LRRC7: variants seen among roughly 807,000 people sequenced by gnomAD.
LRRC7 encodes the protein leucine-rich repeat-containing protein 7.
A neutral mutation model predicts 175.7 loss-of-function variants in LRRC7; 23 were observed. The ratio of observed to expected loss-of-function variants is 0.13; its 90% CI spans 0.09 to 0.19. LRRC7 has a LOEUF of 0.19. Ranked by LOEUF, LRRC7 falls within the 10% of genes least tolerant of loss-of-function variation. The probability of loss-of-function intolerance (pLI) is 1.00; values close to 1 mark genes in which losing one functional copy is unlikely to be tolerated. For missense variants in LRRC7, 1,354 were observed against 1,904.7 expected, an observed-to-expected ratio of 0.71 and a Z score of 5.38; for synonymous variants, 685 against 680.9, an observed-to-expected ratio of 1.01 and a Z score of -0.09.
At chr1:69,905,541 AATG>A (rs1250054436) in intron 7 of LRRC7, among the ~76,000 whole-genome samples, 1 of 152,118 alleles carries the variant, frequency 6.6e-6, no homozygotes, top group African/African-American at 2.4e-5. Flanking sequence ...GTTTGCTGAA[AATG>A]ATGGTTTCCA....
At position 69,925,180 on chromosome 1, in the gene LRRC7, T is replaced by C. The variant is rs1316070792; in HGVS notation, c.648-6327T>C. ...TGATCATGGTGGATAAGCTTTTTGA[T>C]GTGCTGCTGGATTCGGTTTGCCAGT... On this transcript the variant is annotated intron_variant, in intron 7 of 26. Coordinates refer to ENST00000651989, the MANE Select transcript of LRRC7 (RefSeq NM_001370785.2). Among the ~76,000 whole-genome samples, 3 of 152,200 alleles carry C rather than the reference T, an allele frequency of 2.0e-5. No homozygotes were observed. In the East Asian group the frequency reaches 5.8e-4, roughly 29 times the overall value.
chr1:69,936,720 A>C (rs1328442754), intron 8 of LRRC7, among the ~76,000 whole-genome samples: 1 of 151,868 alleles, frequency 6.6e-6, no homozygotes, highest in Non-Finnish European at 1.5e-5. Flanking sequence ...CCCTCCTCCT[A>C]CCCTCCACCT....
At chr1:69,639,599 C>G (rs183701951) in intron 1 of LRRC7, among the ~76,000 whole-genome samples, 2 of 151,868 alleles carry the variant, frequency 1.3e-5, no homozygotes, top group Admixed American at 1.3e-4. Context: ...AGATTTCTGG[C>G]TCTCTGGCCC....
chr1:69,962,646 A>C (rs1306184518), intron 8 of LRRC7, among the ~76,000 whole-genome samples: 1 of 152,236 alleles, frequency 6.6e-6, no homozygotes, highest in South Asian at 2.1e-4. Context: ...CTATGCAGCC[A>C]TAAAAAAGAG....
At chr1:69,612,455 G>A (rs1648921911) in intron 1 of LRRC7, among the ~76,000 whole-genome samples, 1 of 151,804 alleles carries the variant, frequency 6.6e-6, no homozygotes, top group South Asian at 2.1e-4. Flanking sequence ...TAATATACTG[G>A]GTTTTATTAC....
At chr1:70,103,996 T>C (rs958041396) in intron 25 of LRRC7, among the ~76,000 whole-genome samples, 1 of 152,208 alleles carries the variant, frequency 6.6e-6, no homozygotes, top group Non-Finnish European at 1.5e-5. Flanking sequence ...TCATTTAGCA[T>C]TCTGCCAAAT....
intron 7 of LRRC7, among the ~76,000 whole-genome samples, chr1:69,901,646 C>T (rs1480706675): frequency 2.0e-5 from 3 of 152,188 alleles, no homozygotes; most frequent in South Asian, 4.1e-4. Context: ...TGAGAAATAA[C>T]TATCTCTTCC....
chr1:70,117,565 A>T (rs372404819), intron 26 of LRRC7, among the ~76,000 whole-genome samples: 6 of 152,212 alleles, frequency 3.9e-5, no homozygotes, highest in African/African-American at 7.2e-5. Context: ...GGCACAGAAG[A>T]TATCAAATAA....
At chr1:69,893,032 T>A (rs1248831386) in intron 7 of LRRC7, among the ~76,000 whole-genome samples, 4 of 152,220 alleles carry the variant, frequency 2.6e-5, no homozygotes, top group African/African-American at 9.6e-5. Context: ...GTTACAAGAA[T>A]TGCTTATTCT....
chr1:70,038,801 A>C lies in LRRC7; in HGVS notation c.2977A>C (p.Ile993Leu). ...KKSQSIDEID[I>L]GTYKVYNIPL... The stretch of plus-strand genomic sequence containing the variant: ...GTCACAGAGTATCGATGAGATTGAC[A>C]TTGGTACATATAAGGTGTATAACAT... The change falls in exon 21 of 27, where the codon ATT becomes CTT. Residue 993 changes from isoleucine (I) to leucine (L), a missense_variant. By Grantham distance (5) the Ile-to-Leu change is conservative. Around this residue, in one of 4 missense-constraint regions of LRRC7, gnomAD observed 1,032 missense variants for 1,227.2 expected, o/e 0.84. Transcript: ENST00000651989. 6.2e-7 allele frequency: 1 copy of C among 1,614,096 alleles called. No homozygotes were observed. Among genetic ancestry groups the C allele is most frequent in the Non-Finnish European group, 8.5e-7 (1 of 1,180,008 alleles).
At chr1:69,621,845 C>T (rs1223724276) in intron 1 of LRRC7, among the ~76,000 whole-genome samples, 1 of 152,288 alleles carries the variant, frequency 6.6e-6, no homozygotes, top group Non-Finnish European at 1.5e-5. Context: ...CATTTCCTTT[C>T]ATCAGTAATG....
chr1:69,802,087 A>C (rs1277466367), intron 4 of LRRC7, among the ~76,000 whole-genome samples: 1 of 151,386 alleles, frequency 6.6e-6, no homozygotes, highest in African/African-American at 2.4e-5. Flanking sequence ...AATATACTTA[A>C]TATGATTTCA....
chr1:70,038,428 C>G lies in LRRC7; in HGVS notation c.2604C>G (p.His868Gln). ...PLELEQSTHR[H>Q]TPETEVPPSN... The stretch of plus-strand genomic sequence containing the variant: ...AACTCGAGCAGTCTACACACAGACA[C>G]ACACCAGAAACAGAAGTGCCTCCTT... Residue 868 changes from histidine (H) to glutamine (Q), a missense_variant, in exon 21 of 27, where the codon CAC (histidine) becomes CAG (glutamine). By Grantham distance (24) the His-to-Gln change is conservative (BLOSUM62 0). This residue lies in a region of LRRC7 where 1,032 missense variants were observed against 1,227.2 expected (regional missense o/e 0.84). Transcript: ENST00000651989. The G allele has an allele frequency of 6.2e-7, 1 of 1,614,134 alleles. No homozygotes were observed. The highest frequency in any genetic ancestry group is 8.5e-7 in the Non-Finnish European group (1 of 1,180,018).
chr1:70,140,641 T>C lies in LRRC7; in HGVS notation c.*18754T>C, dbSNP rs910206296. On this transcript the variant is annotated 3_prime_UTR_variant, in exon 27 of 27. Transcript: ENST00000651989. ...CAAGTATAATATAAAAAGTCAGGAA[T>C]TGACTACAGTTCCCTTGGCTAATGC... The C allele has an allele frequency of 6.6e-6, 1 of 152,142 alleles. No individual in the cohort carries two copies. The highest frequency in any genetic ancestry group is 2.4e-5 in the African/African-American group (1 of 41,434). 9.4% of individuals were successfully genotyped at this position (152,142 alleles called of 1,614,324 possible).
In LRRC7 at chr1:70,059,533, T is replaced by G. The variant is rs565664743; in HGVS notation, c.4230+6388T>G. 1.0e-3 allele frequency among the ~76,000 whole-genome samples: 156 copies of G among 151,214 alleles called. 1 individual carries two copies. Among genetic ancestry groups the G allele is most frequent in the African/African-American group, 3.5e-3 (145 of 41,078 alleles). On this transcript the variant is annotated intron_variant, in intron 23 of 26. Transcript: ENST00000651989. ...TGTGTGTGTGGTCATTTTCAAGTTC[T>G]TATTATTCTTCCTTTACCCCACCCC...
intron 2 of LRRC7, among the ~76,000 whole-genome samples, chr1:69,721,569 G>A (rs1212677874): frequency 6.6e-6 from 1 of 151,610 alleles, no homozygotes; most frequent in Non-Finnish European, 1.5e-5. Flanking sequence ...TGAATAATAT[G>A]CCATTATATA....
chr1:69,831,742 A>G (rs1397211470), intron 5 of LRRC7, among the ~76,000 whole-genome samples: 1 of 152,136 alleles, frequency 6.6e-6, no homozygotes, highest in African/African-American at 2.4e-5. Flanking sequence ...AATACAAACT[A>G]GAACAATATA....
Position 70,128,945 on chromosome 1 carries a change from C to T in LRRC7, c.*7058C>T, listed in dbSNP as rs1464490744. On this transcript the variant is annotated 3_prime_UTR_variant, in exon 27 of 27. Transcript: ENST00000651989. Reference sequence around the variant, plus strand: ...TGGTTCTTGTGACCTTCACACAGCTCACATAAAGAGTGTCACGAAGCCGGG... The same window carrying T: ...TGGTTCTTGTGACCTTCACACAGCTTACATAAAGAGTGTCACGAAGCCGGG... 1 of 152,038 alleles carries T rather than the reference C, an allele frequency of 6.6e-6. No individual in the cohort carries two copies. Among genetic ancestry groups the T allele is most frequent in the African/African-American group, 2.4e-5 (1 of 41,372 alleles). 9.4% of individuals were successfully genotyped at this position (152,038 alleles called of 1,614,324 possible).
chr1:69,774,465 G>A lies in LRRC7; in HGVS notation c.303+14072G>A, dbSNP rs183623001. Among the ~76,000 whole-genome samples the A allele has an allele frequency of 3.8e-4, 58 of 152,236 alleles. 1 individual carries two copies. Among genetic ancestry groups the A allele is most frequent in the African/African-American group, 1.3e-3 (52 of 41,546 alleles). On this transcript the variant is annotated intron_variant, in intron 3 of 26. Transcript: ENST00000651989. The stretch of plus-strand genomic sequence containing the variant: ...AACAAATCTAGAAATCTAATGTACA[G>A]CATGAGGACTATAGGTAATAAAACT...
Sources: gnomAD v4.1 joint callset for allele counts (sites outside exome capture counted in the v4.1 genomes callset) on GRCh38, gnomAD v4.1.1 for gene constraint, gnomAD v4.1.1 regional missense constraint, MANE v1.5 for transcripts, NCBI Gene and HGNC (gene_info 2026-07-23, HGNC 2026-07-21) for gene names.